Variants in TRABD observed in about 807,000 individuals in gnomAD.
TRABD encodes TraB domain containing.
In TRABD, 23 loss-of-function variants were observed where a neutral mutation model predicts 39.6. The ratio of observed to expected loss-of-function variants is 0.58; its 90% confidence interval spans 0.42 to 0.82. TRABD has a LOEUF of 0.82. TRABD is among the 40% of genes least tolerant of loss of function. TRABD has a pLI of 0.00. For synonymous variants in TRABD, 243 were observed against 232.1 expected, an observed-to-expected ratio of 1.05 and a Z score of -0.43; for missense variants, 487 against 544.9, an observed-to-expected ratio of 0.89 and a Z score of 1.06.
intron 7 of TRABD, 59 bp from the exon 8 acceptor site, chr22:50,197,764 G>GGGCCCCCCCCCCCCCCCCCCCCC: frequency 7.8e-7 from 1 of 1,284,796 alleles, no homozygotes; most frequent in Non-Finnish European, 1.1e-6. Context: ...CACAGTGCCA[G>GGGCCCCCCCCCCCCCCCCCCCCC]CCCCACCCCC....
chr22:50,194,907 G>A lies in TRABD; in HGVS notation c.287G>A (p.Arg96Gln), dbSNP rs748112849. The A allele has an allele frequency of 8.7e-6, 14 of 1,612,420 alleles. No individual in the cohort carries two copies. Among genetic ancestry groups the A allele is most frequent in the Admixed American group, 1.7e-5 (1 of 59,974 alleles). ...GACCTGTGGCTGTTGCAGACCATCC[G>A]GGAGGTGCAGCCTGACGTGGTGGTC... ...DSKRDVVKTI[R>Q]EVQPDVVVVE... The change falls in exon 5 of 10, where the codon CGG becomes CAG. Residue 96 changes from arginine (R) to glutamine (Q), a missense_variant. This residue lies in a region of TRABD where 358 missense variants were observed against 414.7 expected (regional missense o/e 0.86). Transcript: ENST00000380909.
At position 50,198,509 on chromosome 22, in the gene TRABD, G is replaced by T. The variant is rs200431689; in HGVS notation, c.1121G>T (p.Arg374Leu). The T allele has an allele frequency of 3.8e-4, 586 of 1,562,426 alleles. No individual in the cohort carries two copies. The highest frequency in any genetic ancestry group is 4.8e-4 in the Non-Finnish European group (556 of 1,161,838). The change falls in exon 10 of 10, where the codon CGG becomes CTG. Residue 374 changes from arginine (R) to leucine (L), a missense_variant. Coordinates refer to ENST00000380909, the MANE Select transcript of TRABD (RefSeq NM_001320485.2). The surrounding 1 kb of genome is among the most constrained non-coding windows in gnomAD (Gnocchi z 7.9). ...QYCLQRVTEA[R>L]HK ...TGCCTGCAGAGGGTGACCGAGGCCCGGCACAAGTAGGAGACTGCTCCCCGC... is the reference window on the plus strand; with the variant it reads ...TGCCTGCAGAGGGTGACCGAGGCCCTGCACAAGTAGGAGACTGCTCCCCGC...
chr22:50,198,984 A>G lies in TRABD; in HGVS notation c.*465A>G. The G allele has an allele frequency of 1.6e-6, 1 of 630,288 alleles. No individual in the cohort carries two copies. 39.0% of individuals were successfully genotyped at this position (630,288 alleles called of 1,614,324 possible). ...GGGAAAGGCCCAGCCCTGGAGCTCC[A>G]GCCGACCCCACCGTGCCCCTGGCAT... On this transcript the variant is annotated 3_prime_UTR_variant, in exon 10 of 10. Transcript: ENST00000380909. The surrounding 1 kb of genome is among the most constrained non-coding windows in gnomAD (Gnocchi z 7.9).
chr22:50,197,778 G>GC, intron 7 of TRABD, 45 bp from the exon 8 acceptor site: 3 of 740,482 alleles, frequency 4.1e-6, no homozygotes, highest in East Asian at 8.1e-5. Flanking sequence ...CACCCCCCCA[G>GC]CCCGTTGCCC....
intron 3 of TRABD, among the ~76,000 whole-genome samples, chr22:50,194,067 AG>A (rs1277764970): frequency 5.5e-5 from 3 of 54,482 alleles, no homozygotes; most frequent in Non-Finnish European, 1.0e-4. Flanking sequence ...CCTCATCCAC[AG>A]CAACCCCCAA....
intron 5 of TRABD, 35 bp downstream of exon 5, chr22:50,195,075 C>A (rs1426528709): frequency 4.6e-6 from 7 of 1,528,584 alleles, no homozygotes; most frequent in South Asian, 1.2e-5. Flanking sequence ...GGGTCAGGGT[C>A]GGGGTCAAAG....
intron 1 of TRABD, among the ~76,000 whole-genome samples, chr22:50,187,549 T>C (rs539088694): frequency 1.3e-5 from 2 of 152,348 alleles, no homozygotes; most frequent in Non-Finnish European, 2.9e-5. Flanking sequence ...CTGCATTTGG[T>C]GCTAGCCAGT....
At chr22:50,187,540 T>G (rs1438074722) in intron 1 of TRABD, among the ~76,000 whole-genome samples, 1 of 152,224 alleles carries the variant, frequency 6.6e-6, no homozygotes, top group Admixed American at 6.5e-5. Flanking sequence ...TTCTGGTAAC[T>G]GCATTTGGTG....
rs769526602 is a variant in TRABD, at chr22:50,197,922, G to A, written c.771G>A (p.Ser257=). The A allele has an allele frequency of 5.9e-5, 95 of 1,612,928 alleles. No homozygotes were observed. The highest frequency in any genetic ancestry group is 1.4e-4 in the South Asian group (13 of 91,092). The change falls in exon 8 of 10, where the codon TCG becomes TCA. Residue 257 remains serine (S), a synonymous_variant. Transcript: ENST00000380909. ...EFPDLHRTIV[S]ERDVYLTYML... Reference sequence around the variant, plus strand: ...CAGACCTGCACCGCACCATCGTCTCGGAGCGCGACGTCTACCTAACCTACA... The same window carrying A: ...CAGACCTGCACCGCACCATCGTCTCAGAGCGCGACGTCTACCTAACCTACA...
At position 50,198,553 on chromosome 22, in the gene TRABD, A is replaced by T. The variant is rs2064213824; in HGVS notation, c.*34A>T. On this transcript the variant is annotated 3_prime_UTR_variant, in exon 10 of 10. Coordinates refer to ENST00000380909, the MANE Select transcript of TRABD (RefSeq NM_001320485.2). The surrounding 1 kb of genome is among the most constrained non-coding windows in gnomAD (Gnocchi z 7.9). ...TCCCCGCCCGCTCGGGCCCCTGAGG[A>T]GCCAGTGCCCCCGCGGCACTTCTGG... 3 of 1,479,344 alleles carry T rather than the reference A, an allele frequency of 2.0e-6. No individual in the cohort carries two copies. Among genetic ancestry groups the T allele is most frequent in the Non-Finnish European group, 2.7e-6 (3 of 1,119,328 alleles). 91.6% of individuals were successfully genotyped at this position (1,479,344 alleles called of 1,614,324 possible).
rs2041352568 is a variant in TRABD at position 50,192,701 on chromosome 22, G to C, written c.-34-326G>C. On this transcript the variant is annotated intron_variant, in intron 1 of 9. Coordinates refer to ENST00000380909, the MANE Select transcript of TRABD (RefSeq NM_001320485.2). ...GGACCCCAGGGCTGCCTTCCTATGT[G>C]TGCCCGCCGTGCCGCAGTGAGGGTT... Among the ~76,000 whole-genome samples the C allele has an allele frequency of 5.4e-5, 3 of 56,038 alleles. No individual in the cohort carries two copies. The South Asian group carries it at 2.1e-3, about 40-fold the overall frequency. 36.8% of individuals were successfully genotyped at this position (56,038 alleles called of 152,430 possible). A position where few individuals can be genotyped will look rare whatever the true frequency, so the allele number is the denominator to read the frequency against.
rs1335948004 is a variant in TRABD at position 50,194,394 on chromosome 22, A to G, written c.167A>G (p.Gln56Arg). Reference protein sequence around the residue: ...LLEMKLKRRRQRPNLPRTVTQ... With the variant: ...LLEMKLKRRRRRPNLPRTVTQ... The stretch of plus-strand genomic sequence containing the variant: ...GAGATGAAGCTGAAGCGGCGGCGTC[A>G]GCGGCCCAACCTGCCGCGCACTGTG... The change falls in exon 4 of 10, where the codon CAG (glutamine) becomes CGG (arginine). Residue 56 changes from glutamine (Q) to arginine (R), a missense_variant. By Grantham distance (43) the Gln-to-Arg change is conservative (BLOSUM62 1). This residue lies in a region of TRABD where 358 missense variants were observed against 414.7 expected (regional missense o/e 0.86). Coordinates refer to ENST00000380909, the MANE Select transcript of TRABD (RefSeq NM_001320485.2). 3.1e-6 allele frequency: 5 copies of G among 1,612,840 alleles called. No homozygotes were observed. The highest frequency in any genetic ancestry group is 2.2e-5 in the South Asian group (2 of 91,070).
chr22:50,191,605 T>C (rs1393943164), intron 1 of TRABD: 2 of 152,238 alleles, frequency 1.3e-5, no homozygotes, highest in African/African-American at 2.4e-5. Flanking sequence ...AACCCGGCAG[T>C]GGCCCCTCTG....
chr22:50,198,063 C>A lies in TRABD; in HGVS notation c.845-12C>A. On this transcript the variant is annotated splice_polypyrimidine_tract_variant and intron_variant, in intron 8 of 9. Transcript: ENST00000380909. This position sits in a 1 kb window ranked among gnomAD's most constrained non-coding sequence, Gnocchi z 7.9. ...GCCCGAGCAGGTACTGACCCCTTGT[C>A]CTTCCCCACAGCCGAGCCCAGGAAG... 1 of 1,612,448 alleles carries A rather than the reference C, an allele frequency of 6.2e-7. No homozygotes were observed.
rs1409258213 is a variant in TRABD at position 50,194,492 on chromosome 22, A to G, written c.265A>G (p.Arg89Gly). The stretch of plus-strand genomic sequence containing the variant: ...AGCCCACTTCAGCGACGACAGCAAG[A>G]GGGACGTTGTGAAGGTGAGCGCCGC... ...GTAHFSDDSK[R>G]DVVKTIREVQ... is the part of the protein sequence containing the mutation. Residue 89 changes from arginine (R) to glycine (G), a missense_variant, in exon 4 of 10, where the codon AGG (arginine) becomes GGG (glycine). Physicochemically the swap from Arg to Gly is moderately radical, Grantham distance 125. Coordinates refer to ENST00000380909, the MANE Select transcript of TRABD (RefSeq NM_001320485.2). 3 of 1,583,304 alleles carry G rather than the reference A, an allele frequency of 1.9e-6. No individual in the cohort carries two copies. The highest frequency in any genetic ancestry group is 2.6e-6 in the Non-Finnish European group (3 of 1,165,210).
intron 5 of TRABD, 96 bp downstream of exon 5, chr22:50,195,136 C>T: frequency 6.9e-7 from 1 of 1,439,538 alleles, no homozygotes. Flanking sequence ...TGCCCCCAGT[C>T]AGTGTGGCTG....
chr22:50,199,053 G>T lies in TRABD; in HGVS notation c.*534G>T. ...CTCCCTGGCACCGTCTGCCTGCAGG[G>T]ATTCTGTGTTTTTGGCTTTTTTAAT... On this transcript the variant is annotated 3_prime_UTR_variant, in exon 10 of 10. Transcript: ENST00000380909. 1 of 710,528 alleles carries T rather than the reference G, an allele frequency of 1.4e-6. No homozygotes were observed. Among genetic ancestry groups the T allele is most frequent in the Admixed American group, 2.0e-5 (1 of 49,456 alleles). 44.0% of individuals were successfully genotyped at this position (710,528 alleles called of 1,614,324 possible). A position where few individuals can be genotyped will look rare whatever the true frequency, so the allele number is the denominator to read the frequency against.
rs532722716 is a variant in TRABD, at chr22:50,192,782, C to T, written c.-34-245C>T. 2.6e-5 allele frequency among the ~76,000 whole-genome samples: 4 copies of T among 152,392 alleles called. No individual in the cohort carries two copies. In the East Asian group the frequency reaches 7.7e-4, roughly 29 times the overall value. ...CTGTGCACCAGCAACCCGCCCTGGG[C>T]CCGTCTGCGTTTGGTTTATGCTGGG... On this transcript the variant is annotated intron_variant, in intron 1 of 9. Coordinates refer to ENST00000380909, the MANE Select transcript of TRABD (RefSeq NM_001320485.2).
At chr22:50,193,495 A>C in intron 2 of TRABD, 81 bp from the exon 3 acceptor site, 1 of 1,334,390 alleles carries the variant, frequency 7.5e-7, no homozygotes, top group Non-Finnish European at 1.1e-6. Flanking sequence ...TTTCCAGGGT[A>C]CGTGGTCCGT....
Sources: gnomAD v4.1 joint callset for allele counts (sites outside exome capture counted in the v4.1 genomes callset) on GRCh38, gnomAD v4.1.1 for gene constraint, gnomAD v4.1.1 regional missense constraint, Gnocchi (gnomAD v3.1) non-coding constraint, MANE v1.5 for transcripts, NCBI Gene and HGNC (gene_info 2026-07-23, HGNC 2026-07-21) for gene names.